CDH11: variants seen among roughly 807,000 people sequenced by gnomAD.
The protein encoded by CDH11 is cadherin-11.
Under a neutral mutation model 67.8 loss-of-function variants are expected in CDH11, and 11 were observed. That is an observed-to-expected ratio of 0.16 (90% confidence interval 0.10 to 0.27). The LOEUF (loss-of-function observed/expected upper bound fraction) is 0.27, where lower values mean the gene tolerates loss of function less well. CDH11 is among the 10% of genes least tolerant of loss of function. CDH11 has a pLI of 1.00. For missense variants in CDH11, 847 were observed against 1,031.2 expected, an observed-to-expected ratio of 0.82 and a Z score of 2.45; for synonymous variants, 419 against 400.0, an observed-to-expected ratio of 1.05 and a Z score of -0.57.
At chr16:65,112,801 A>T (rs1597210331) in intron 1 of CDH11, among the ~76,000 whole-genome samples, 2 of 152,342 alleles carry the variant, frequency 1.3e-5, no homozygotes, top group African/African-American at 4.8e-5. Flanking sequence ...AAGTATTATC[A>T]AACAGCGTAT....
At chr16:65,009,912 G>C (rs969623282) in intron 2 of CDH11, among the ~76,000 whole-genome samples, 1 of 152,176 alleles carries the variant, frequency 6.6e-6, no homozygotes, top group African/African-American at 2.4e-5. Context: ...AGAAGCCACC[G>C]TGCCTTGAGC....
At chr16:64,963,956 A>G (rs1247117642) in intron 11 of CDH11, among the ~76,000 whole-genome samples, 1 of 152,228 alleles carries the variant, frequency 6.6e-6, no homozygotes, top group African/African-American at 2.4e-5. Flanking sequence ...AAATGTTAGA[A>G]TAAGTTCTTT....
intron 7 of CDH11, 175 bp downstream of exon 7, chr16:64,987,982 C>A: frequency 2.0e-6 from 1 of 499,204 alleles, no homozygotes; most frequent in Non-Finnish European, 3.5e-6. Flanking sequence ...TCTGCAGTAA[C>A]AGAAAGGAAT....
At chr16:65,081,945 A>G (rs912464134) in intron 1 of CDH11, among the ~76,000 whole-genome samples, 1 of 152,154 alleles carries the variant, frequency 6.6e-6, no homozygotes, top group Non-Finnish European at 1.5e-5. Flanking sequence ...CAGGGGGAGA[A>G]AAGGTGCTGA....
At chr16:65,011,130 C>T (rs1203602596) in intron 2 of CDH11, among the ~76,000 whole-genome samples, 1 of 149,296 alleles carries the variant, frequency 6.7e-6, no homozygotes, top group African/African-American at 2.5e-5. Flanking sequence ...CACACACACA[C>T]ACATATATCA....
chr16:64,971,265 C>G (rs1245845075), intron 11 of CDH11, among the ~76,000 whole-genome samples: 1 of 152,070 alleles, frequency 6.6e-6, no homozygotes, highest in Non-Finnish European at 1.5e-5. Context: ...CTATCCTTCC[C>G]CCAAGGGTTT....
intron 3 of CDH11, among the ~76,000 whole-genome samples, 185 bp from the exon 4 acceptor site, chr16:64,999,041 C>G (rs1336114472): frequency 2.0e-5 from 3 of 152,174 alleles, no homozygotes; most frequent in Non-Finnish European, 4.4e-5. Context: ...CAAGGTCACA[C>G]TGCAGAACAG....
intron 1 of CDH11, among the ~76,000 whole-genome samples, chr16:65,079,524 T>C (rs1275555802): frequency 6.6e-6 from 1 of 152,226 alleles, no homozygotes; most frequent in Non-Finnish European, 1.5e-5. Context: ...TGTGTGTGCG[T>C]GTTCCAATCA....
intron 11 of CDH11, among the ~76,000 whole-genome samples, chr16:64,966,511 G>T (rs1047895617): frequency 6.6e-6 from 1 of 151,766 alleles, no homozygotes; most frequent in Admixed American, 6.6e-5. Context: ...TATGATACCA[G>T]TAAATAGACA....
At chr16:65,042,916 A>AGGGT (rs2073891083) in intron 2 of CDH11, among the ~76,000 whole-genome samples, 1 of 152,158 alleles carries the variant, frequency 6.6e-6, no homozygotes, top group African/African-American at 2.4e-5. Flanking sequence ...CTTCTCTAAC[A>AGGGT]GGGTGGGAAA....
intron 3 of CDH11, among the ~76,000 whole-genome samples, chr16:64,999,351 C>T (rs2072857203): frequency 6.6e-6 from 1 of 152,072 alleles, no homozygotes; most frequent in Non-Finnish European, 1.5e-5. Context: ...GCAAGGAAAT[C>T]TACACAGATA....
intron 2 of CDH11, among the ~76,000 whole-genome samples, chr16:65,039,900 G>C (rs1253421454): frequency 6.6e-6 from 1 of 152,130 alleles, no homozygotes; most frequent in Non-Finnish European, 1.5e-5. Context: ...GTGGGCGAAG[G>C]ATATGAACAG....
At chr16:65,094,768 C>T (rs2074858263) in intron 1 of CDH11, 2 of 152,100 alleles carry the variant, frequency 1.3e-5, no homozygotes, top group African/African-American at 4.8e-5. Flanking sequence ...AGGAAATACA[C>T]CTGTTTTCAC....
chr16:65,120,711 A>C (rs1283093368), intron 1 of CDH11, among the ~76,000 whole-genome samples: 3 of 152,214 alleles, frequency 2.0e-5, no homozygotes. Flanking sequence ...CATTATCAGC[A>C]AAAGCAACAG....
At chr16:64,979,031 A>AT (rs1055862425) in intron 8 of CDH11, among the ~76,000 whole-genome samples, 1 of 152,212 alleles carries the variant, frequency 6.6e-6, no homozygotes, top group African/African-American at 2.4e-5. Flanking sequence ...AGGCCCTACC[A>AT]TTCAGAATAC....
At chr16:65,065,344 A>C (rs925489653) in intron 1 of CDH11, among the ~76,000 whole-genome samples, 15 of 152,240 alleles carry the variant, frequency 9.9e-5, no homozygotes, top group Admixed American at 5.9e-4. Flanking sequence ...CAGTACAAAC[A>C]CATATAAGAC....
intron 1 of CDH11, among the ~76,000 whole-genome samples, chr16:65,062,699 A>G (rs1343596801): frequency 6.6e-6 from 1 of 152,234 alleles, no homozygotes; most frequent in African/African-American, 2.4e-5. Flanking sequence ...CACAGGGATA[A>G]GAAGCATATA....
intron 11 of CDH11, among the ~76,000 whole-genome samples, chr16:64,953,299 C>CATATAT (rs35651574): frequency 2.0e-5 from 3 of 149,326 alleles, no homozygotes; most frequent in Non-Finnish European, 4.5e-5. Flanking sequence ...TATACACACA[C>CATATAT]ATATATATAT....
At chr16:65,046,293 C>G (rs1034608376) in intron 2 of CDH11, among the ~76,000 whole-genome samples, 1 of 152,192 alleles carries the variant, frequency 6.6e-6, no homozygotes, top group Non-Finnish European at 1.5e-5. Flanking sequence ...CCCTGGACCA[C>G]AGGGCCCGGA....
Sources: gnomAD v4.1 joint callset for allele counts (sites outside exome capture counted in the v4.1 genomes callset) on GRCh38, gnomAD v4.1.1 for gene constraint, MANE v1.5 for transcripts, NCBI Gene and HGNC (gene_info 2026-07-23, HGNC 2026-07-21) for gene names.